Variants in KAZN observed in about 807,000 individuals in gnomAD.
KAZN encodes the protein kazrin.
Under a neutral mutation model 87.4 loss-of-function variants are expected in KAZN, and 40 were observed. The ratio of observed to expected loss-of-function variants is 0.46; its 90% CI spans 0.36 to 0.60. KAZN has a LOEUF of 0.60. Ranked by LOEUF, KAZN falls within the 20% of genes least tolerant of loss-of-function variation. The probability of loss-of-function intolerance (pLI) is 0.00; values close to 1 mark genes in which losing one functional copy is unlikely to be tolerated. For synonymous variants in KAZN, 466 were observed against 458.3 expected (o/e 1.02, Z -0.22); for missense variants, 898 against 1,073.9 (o/e 0.84, Z 2.29).
At chr1:14,444,522 G>A (rs1250140166) in intron 2 of KAZN, among the ~76,000 whole-genome samples, 5 of 151,958 alleles carry the variant, frequency 3.3e-5, no homozygotes, top group African/African-American at 9.7e-5. Context: ...ATGTTGGTCA[G>A]GCTGGTCTCA....
intron 1 of KAZN, among the ~76,000 whole-genome samples, chr1:14,775,306 C>T (rs1645143556): frequency 6.6e-6 from 1 of 152,230 alleles, no homozygotes; most frequent in Admixed American, 6.5e-5. Flanking sequence ...TTAATAGCAG[C>T]TCATTCTAGG....
intron 2 of KAZN, among the ~76,000 whole-genome samples, chr1:14,978,480 G>T (rs982354011): frequency 6.6e-6 from 1 of 152,198 alleles, no homozygotes; most frequent in Non-Finnish European, 1.5e-5. Flanking sequence ...GGAGAAGGTG[G>T]TCAACAGTAG....
chr1:14,024,007 T>G (rs1031605458), intron 1 of KAZN, among the ~76,000 whole-genome samples: 4 of 152,136 alleles, frequency 2.6e-5, no homozygotes, highest in Admixed American at 2.6e-4. Context: ...CAGTAAAACC[T>G]TGTCCCACCC....
At chr1:14,528,134 C>T (rs1307139169) in intron 2 of KAZN, among the ~76,000 whole-genome samples, 1 of 151,626 alleles carries the variant, frequency 6.6e-6, no homozygotes, top group East Asian at 1.9e-4. Flanking sequence ...AGTATAGCAA[C>T]TCATGTCAGC....
chr1:14,533,028 T>C (rs555492765), intron 2 of KAZN, among the ~76,000 whole-genome samples: 12 of 152,274 alleles, frequency 7.9e-5, no homozygotes, highest in African/African-American at 2.9e-4. Context: ...TAGTTCTAGA[T>C]CCCTGAGGAA....
At chr1:13,971,080 T>C (rs1365258877) in intron 1 of KAZN, among the ~76,000 whole-genome samples, 1 of 152,188 alleles carries the variant, frequency 6.6e-6, no homozygotes, top group Non-Finnish European at 1.5e-5. Context: ...TGCTCTGTGC[T>C]AGACATGTCT....
rs36093736 is a variant in KAZN at position 14,341,077 on chromosome 1, T to TG, written c.249+160493dup. Among the ~76,000 whole-genome samples, 1,168 of 150,718 alleles carry TG rather than the reference T, an allele frequency of 7.7e-3. 38 individuals are homozygous for TG. In the East Asian group the frequency reaches 0.12, roughly 15 times the overall value. On this transcript the variant is annotated intron_variant, in intron 2 of 16. Coordinates refer to the KAZN transcript ENST00000636203. ...TAATTTTTGTATTTTTAGTAGAGAT[T>TG]GGGGGGGGTTTCACCATGTTGGCCA...
intron 2 of KAZN, among the ~76,000 whole-genome samples, chr1:14,579,265 G>C (rs1454384914): frequency 6.6e-6 from 1 of 152,132 alleles, no homozygotes; most frequent in Non-Finnish European, 1.5e-5. Flanking sequence ...AAAATGAGAG[G>C]AGAAATGCAA....
intron 2 of KAZN, among the ~76,000 whole-genome samples, chr1:14,422,433 C>T (rs7511832): frequency 3.3e-5 from 5 of 152,176 alleles, no homozygotes; most frequent in East Asian, 1.9e-4. Flanking sequence ...CAAAACGCTA[C>T]GCAGCGCATA....
rs372516471 is a variant in KAZN at position 14,765,532 on chromosome 1, G to T, written c.226+166309G>T. Reference sequence around the variant, plus strand: ...GTGGACCATTTGAGAAGCAGCTAAGGTGGAATTTGGTGTGCAGATGTATTG... The same window carrying T: ...GTGGACCATTTGAGAAGCAGCTAAGTTGGAATTTGGTGTGCAGATGTATTG... On this transcript the variant is annotated intron_variant, in intron 1 of 14. Transcript: ENST00000376030. 3.3e-5 allele frequency among the ~76,000 whole-genome samples: 5 copies of T among 152,340 alleles called. 1 individual carries two copies. The highest frequency in any genetic ancestry group is 6.5e-5 in the Admixed American group (1 of 15,308).
At chr1:15,046,242 G>A (rs1372976812) in intron 4 of KAZN, among the ~76,000 whole-genome samples, 6 of 148,172 alleles carry the variant, frequency 4.0e-5, no homozygotes, top group Non-Finnish European at 8.9e-5. Context: ...AGGTTGCAGT[G>A]AGCCAAGGTC....
intron 1 of KAZN, among the ~76,000 whole-genome samples, chr1:14,727,259 C>T (rs1249042971): frequency 3.3e-5 from 5 of 152,002 alleles, no homozygotes; most frequent in Non-Finnish European, 5.9e-5. Flanking sequence ...AGGCCTTGGA[C>T]GTGAACCCAG....
intron 2 of KAZN, among the ~76,000 whole-genome samples, chr1:14,456,624 A>C (rs912790105): frequency 6.6e-6 from 1 of 152,190 alleles, no homozygotes; most frequent in Non-Finnish European, 1.5e-5. Flanking sequence ...TAATATCTGC[A>C]AAATATTACA....
chr1:14,414,344 GAAA>G (rs5772578), intron 2 of KAZN, among the ~76,000 whole-genome samples: 4 of 107,846 alleles, frequency 3.7e-5, no homozygotes, highest in Admixed American at 1.8e-4. Flanking sequence ...TTTGTCATAG[GAAA>G]AAAAAAAAAA....
At chr1:14,198,529 G>A (rs1646575431) in intron 2 of KAZN, among the ~76,000 whole-genome samples, 1 of 152,202 alleles carries the variant, frequency 6.6e-6, no homozygotes, top group African/African-American at 2.4e-5. Flanking sequence ...GAACTGGGGA[G>A]GTGGAGATTG....
At chr1:14,998,162 C>A (rs548672075) in intron 2 of KAZN, among the ~76,000 whole-genome samples, 10 of 152,142 alleles carry the variant, frequency 6.6e-5, no homozygotes, top group Non-Finnish European at 1.3e-4. Flanking sequence ...GGGGGAGGGG[C>A]AGCGCGGGGG....
intron 1 of KAZN, among the ~76,000 whole-genome samples, chr1:14,706,786 T>C (rs1642235188): frequency 6.6e-6 from 1 of 152,224 alleles, no homozygotes; most frequent in South Asian, 2.1e-4. Context: ...CTCATTTGAA[T>C]GTGCCATCTG....
At chr1:13,905,535 G>C (rs1280133272) in intron 1 of KAZN, among the ~76,000 whole-genome samples, 1 of 151,658 alleles carries the variant, frequency 6.6e-6, no homozygotes, top group Non-Finnish European at 1.5e-5. Context: ...CTGTGTTCAG[G>C]ACCCACATCC....
At chr1:14,491,987 T>C (rs1431094090) in intron 2 of KAZN, among the ~76,000 whole-genome samples, 3 of 152,220 alleles carry the variant, frequency 2.0e-5, no homozygotes, top group African/African-American at 7.2e-5. Context: ...ATTTAACAAT[T>C]ATCAGCCCCA....
Sources: gnomAD v4.1 joint callset for allele counts (sites outside exome capture counted in the v4.1 genomes callset) on GRCh38, gnomAD v4.1.1 for gene constraint, MANE v1.5 for transcripts, NCBI Gene and HGNC (gene_info 2026-07-23, HGNC 2026-07-21) for gene names.